The following TAF8 variants were observed in gnomAD, a reference collection of about 807,000 sequenced individuals.
TAF8 encodes transcription initiation factor TFIID subunit 8.
A neutral mutation model predicts 36.5 loss-of-function variants in TAF8; 47 were observed. The ratio of observed to expected loss-of-function variants is 1.29; its 90% CI spans 1.02 to 1.64. The LOEUF (loss-of-function observed/expected upper bound fraction) is 1.64, where lower values mean the gene tolerates loss of function less well. TAF8 is among the 40% of genes most tolerant of loss of function. The pLI is 0.00. For missense variants in TAF8, 420 were observed against 407.6 expected (o/e 1.03, Z -0.26); for synonymous variants, 175 against 159.5 (o/e 1.10, Z -0.73).
intron 2 of TAF8, among the ~76,000 whole-genome samples, chr6:42,053,501 A>T (rs1200195881): frequency 2.0e-5 from 3 of 151,154 alleles, no homozygotes. Flanking sequence ...GGTGGCAGAG[A>T]TTGCATTGAG....
chr6:42,062,063 C>T (rs998736145), intron 5 of TAF8, among the ~76,000 whole-genome samples: 2 of 151,952 alleles, frequency 1.3e-5, no homozygotes, highest in African/African-American at 4.8e-5. Context: ...TCTTTTTTTT[C>T]CCTGCCATTC....
Position 42,077,577 on chromosome 6 carries a change from G to A in TAF8, c.*32G>A, listed in dbSNP as rs374082626. ...AAGGAAACCTGGCTTGTACAGGGGC[G>A]CAGATTCCACCCTCCCGGGGAGTTA... On this transcript the variant is annotated 3_prime_UTR_variant, in exon 9 of 9. Transcript: ENST00000372977. 41 of 1,610,842 alleles carry A rather than the reference G, an allele frequency of 2.5e-5. No individual in the cohort carries two copies. The highest frequency in any genetic ancestry group is 2.1e-4 in the African/African-American group (16 of 74,836).
At chr6:42,058,953 G>T (rs1765099509) in intron 5 of TAF8, among the ~76,000 whole-genome samples, 1 of 152,088 alleles carries the variant, frequency 6.6e-6, no homozygotes, top group South Asian at 2.1e-4. Flanking sequence ...TGGTTGGGGG[G>T]CAGAGGGGGA....
chr6:42,065,813 T>C (rs1002603592), intron 5 of TAF8, among the ~76,000 whole-genome samples: 1 of 152,276 alleles, frequency 6.6e-6, no homozygotes, highest in East Asian at 1.9e-4. Context: ...TGAATATTAA[T>C]GTAGTTACAT....
At chr6:42,054,019 G>A (rs1764892894) in intron 2 of TAF8, among the ~76,000 whole-genome samples, 1 of 152,144 alleles carries the variant, frequency 6.6e-6, no homozygotes, top group Non-Finnish European at 1.5e-5. Context: ...CTGAGCCACT[G>A]GGCCCCTAAA....
intron 2 of TAF8, 122 bp from the exon 3 acceptor site, chr6:42,055,409 A>G: frequency 1.5e-6 from 1 of 683,546 alleles, no homozygotes; most frequent in South Asian, 1.8e-5. Flanking sequence ...AGCTTTTCGA[A>G]TCCCTGCTTT....
At chr6:42,052,933 T>G (rs1471020759) in intron 2 of TAF8, among the ~76,000 whole-genome samples, 1 of 152,184 alleles carries the variant, frequency 6.6e-6, no homozygotes, top group Non-Finnish European at 1.5e-5. Flanking sequence ...CAGGTCTTGA[T>G]CAAACAGTAG....
chr6:42,070,776 A>G (rs988339349), intron 7 of TAF8, among the ~76,000 whole-genome samples: 1 of 152,206 alleles, frequency 6.6e-6, no homozygotes, highest in Non-Finnish European at 1.5e-5. Context: ...GATCTAGTCA[A>G]AAGGGAAAAT....
chr6:42,059,170 T>G (rs1332141348), intron 5 of TAF8, among the ~76,000 whole-genome samples: 1 of 151,702 alleles, frequency 6.6e-6, no homozygotes, highest in African/African-American at 2.4e-5. Flanking sequence ...GATCATGAGG[T>G]CAGGAGATCG....
chr6:42,073,001 G>A (rs1484647595), intron 7 of TAF8, among the ~76,000 whole-genome samples: 3 of 152,134 alleles, frequency 2.0e-5, no homozygotes, highest in African/African-American at 7.2e-5. Flanking sequence ...GGGATTACAG[G>A]CGTGAGCCAC....
intron 7 of TAF8, among the ~76,000 whole-genome samples, chr6:42,072,246 A>C (rs1332201760): frequency 6.6e-6 from 1 of 152,220 alleles, no homozygotes. Context: ...CCTTCTGTGA[A>C]AAATAAAATC....
chr6:42,070,973 A>G (rs1477881871), intron 7 of TAF8, among the ~76,000 whole-genome samples: 1 of 152,136 alleles, frequency 6.6e-6, no homozygotes, highest in Non-Finnish European at 1.5e-5. Flanking sequence ...TTTAGGGTAT[A>G]CTTTCTTTTC....
At position 42,082,139 on chromosome 6, in the gene TAF8, C is replaced by T. The variant is rs1028060087; in HGVS notation, c.*4594C>T. 3.9e-5 allele frequency: 6 copies of T among 152,206 alleles called. No homozygotes were observed. Among genetic ancestry groups the T allele is most frequent in the Non-Finnish European group, 7.3e-5 (5 of 68,046 alleles). The allele number at this position is 152,206 out of a possible 1,614,324, so 9.4% of individuals were successfully genotyped here. On this transcript the variant is annotated 3_prime_UTR_variant, in exon 9 of 9. Transcript: ENST00000372977. The stretch of plus-strand genomic sequence containing the variant: ...TGTGTGTTGTTCCGTGCAGTTTCAT[C>T]GTGTAGATTTGTGTAACCACCAGCA...
intron 7 of TAF8, among the ~76,000 whole-genome samples, chr6:42,076,771 G>C (rs950675565): frequency 1.3e-5 from 2 of 152,068 alleles, no homozygotes; most frequent in African/African-American, 4.8e-5. Context: ...CCACCTGGCC[G>C]GGCATCCTCC....
downstream of TAF8, among the ~76,000 whole-genome samples, chr6:42,083,714 G>A (rs1406136042): frequency 6.6e-6 from 1 of 152,170 alleles, no homozygotes; most frequent in East Asian, 1.9e-4. Context: ...CATCACAGAG[G>A]AGGGAACACA....
At chr6:42,074,698 C>G (rs560749455) in intron 7 of TAF8, among the ~76,000 whole-genome samples, 3 of 152,224 alleles carry the variant, frequency 2.0e-5, no homozygotes, top group African/African-American at 7.2e-5. Context: ...CCATGCCCGG[C>G]TGATTTTTTT....
rs781256869 is a variant in TAF8, at chr6:42,055,589, G to C, written c.261G>C (p.Gln87His). The change falls in exon 3 of 9, where the codon CAG (glutamine) becomes CAC (histidine). Residue 87 changes from glutamine to histidine, a missense_variant. Gln to His is a conservative substitution (Grantham distance 24). Coordinates refer to ENST00000372977, the MANE Select transcript of TAF8 (RefSeq NM_138572.3). ...ACTGTGAGCACACAGCCAGGACCCA[G>C]CCCACACTGTCCGATATCGTGGTCA... ...KSYCEHTART[Q>H]PTLSDIVVTL... 6.2e-7 allele frequency: 1 copy of C among 1,614,100 alleles called. No individual in the cohort carries two copies. Among genetic ancestry groups the C allele is most frequent in the Non-Finnish European group, 8.5e-7 (1 of 1,180,046 alleles).
chr6:42,066,506 A>G, intron 6 of TAF8, 47 bp downstream of exon 6: 1 of 1,599,726 alleles, frequency 6.3e-7, no homozygotes, highest in Non-Finnish European at 8.6e-7. Context: ...TGAAACACTC[A>G]CATTATCTTT....
chr6:42,051,687 G>A (rs1167173874), intron 2 of TAF8, 174 bp downstream of exon 2: 6 of 619,584 alleles, frequency 9.7e-6, no homozygotes, highest in Admixed American at 6.6e-5. Flanking sequence ...TGGGCCGAGC[G>A]TGGTGGCTCA....
Sources: gnomAD v4.1 joint callset for allele counts (sites outside exome capture counted in the v4.1 genomes callset) on GRCh38, gnomAD v4.1.1 for gene constraint, MANE v1.5 for transcripts, NCBI Gene and HGNC (gene_info 2026-07-23, HGNC 2026-07-21) for gene names.